The following NDUFAF2 variants were observed in gnomAD, a reference collection of about 807,000 sequenced individuals.
The protein encoded by NDUFAF2 is NADH dehydrogenase [ubiquinone] 1 alpha subcomplex assembly factor 2.
In NDUFAF2, 13 loss-of-function variants were observed where a neutral mutation model predicts 22.8. The observed-to-expected ratio is 0.57, with a 90% CI of 0.37 to 0.91. The LOEUF (loss-of-function observed/expected upper bound fraction) is 0.91, where lower values mean the gene tolerates loss of function less well. Among genes scored for constraint, NDUFAF2 ranks in the 40% least tolerant of loss-of-function variants. The pLI is 0.01. For synonymous variants in NDUFAF2, 53 were observed against 64.2 expected, an observed-to-expected ratio of 0.83 and a Z score of 0.84; for missense variants, 162 against 195.2, an observed-to-expected ratio of 0.83 and a Z score of 1.01.
At chr5:61,041,418 A>G (rs1751880986) in intron 1 of NDUFAF2, among the ~76,000 whole-genome samples, 1 of 152,140 alleles carries the variant, frequency 6.6e-6, no homozygotes, top group Non-Finnish European at 1.5e-5. Flanking sequence ...TTTCACCCGT[A>G]CCAGTTTTTT....
chr5:60,972,546 G>A (rs983408034), intron 1 of NDUFAF2, among the ~76,000 whole-genome samples: 1 of 152,054 alleles, frequency 6.6e-6, no homozygotes, highest in African/African-American at 2.4e-5. Flanking sequence ...CCAGGTATGC[G>A]GAACTGTGAG....
intron 1 of NDUFAF2, among the ~76,000 whole-genome samples, chr5:61,056,657 G>A (rs767609356): frequency 6.6e-6 from 1 of 151,782 alleles, no homozygotes; most frequent in African/African-American, 2.4e-5. Flanking sequence ...GGATGCCAAA[G>A]CAAGAGGATC....
intron 3 of NDUFAF2, among the ~76,000 whole-genome samples, chr5:61,140,671 A>G (rs1741039431): frequency 6.6e-6 from 1 of 152,220 alleles, no homozygotes; most frequent in South Asian, 2.1e-4. Context: ...TCAGAGCCCA[A>G]AAATGTTTCA....
intron 3 of NDUFAF2, among the ~76,000 whole-genome samples, chr5:61,139,810 A>G (rs1741023564): frequency 6.6e-6 from 1 of 152,172 alleles, no homozygotes; most frequent in Non-Finnish European, 1.5e-5. Flanking sequence ...TTTTTTTTGA[A>G]TAATGCCTTT....
At chr5:61,100,219 C>T (rs931120434) in intron 3 of NDUFAF2, among the ~76,000 whole-genome samples, 3 of 152,166 alleles carry the variant, frequency 2.0e-5, no homozygotes, top group African/African-American at 4.8e-5. Context: ...GATTCTCCTT[C>T]TCTTGGTCAT....
At chr5:61,044,197 G>T (rs1751918901) in intron 1 of NDUFAF2, among the ~76,000 whole-genome samples, 1 of 151,120 alleles carries the variant, frequency 6.6e-6, no homozygotes, top group Non-Finnish European at 1.5e-5. Context: ...TTTTTAATCA[G>T]GTTATTTTTT....
intron 1 of NDUFAF2, among the ~76,000 whole-genome samples, chr5:60,978,051 TG>T (rs1292640974): frequency 1.3e-5 from 2 of 152,128 alleles, no homozygotes; most frequent in African/African-American, 4.8e-5. Flanking sequence ...GTAGCAGCTG[TG>T]GGCCACTGAG....
At chr5:61,122,395 A>G (rs1393735599) in intron 3 of NDUFAF2, among the ~76,000 whole-genome samples, 2 of 152,216 alleles carry the variant, frequency 1.3e-5, no homozygotes, top group African/African-American at 4.8e-5. Flanking sequence ...ACAAAATATG[A>G]TAGGTGCTGT....
At chr5:60,961,163 T>A (rs1021878404) in intron 1 of NDUFAF2, among the ~76,000 whole-genome samples, 1 of 152,126 alleles carries the variant, frequency 6.6e-6, no homozygotes, top group African/African-American at 2.4e-5. Flanking sequence ...TTCAGCAAAA[T>A]TTACTGTATA....
chr5:61,003,073 A>G (rs557710833), intron 1 of NDUFAF2, among the ~76,000 whole-genome samples: 72 of 152,180 alleles, frequency 4.7e-4, no homozygotes, highest in Non-Finnish European at 7.5e-4. Context: ...TTTTCTGTCC[A>G]TTTGTGACTC....
intron 1 of NDUFAF2, among the ~76,000 whole-genome samples, chr5:61,038,031 A>T (rs1487731272): frequency 9.1e-6 from 1 of 110,390 alleles, no homozygotes; most frequent in Non-Finnish European, 1.8e-5. Context: ...AATATGGGTG[A>T]TGGGAGGGAC....
At chr5:61,042,210 G>T (rs1425869937) in intron 1 of NDUFAF2, among the ~76,000 whole-genome samples, 1 of 151,914 alleles carries the variant, frequency 6.6e-6, no homozygotes, top group African/African-American at 2.4e-5. Flanking sequence ...ATAATTCCAT[G>T]ATTATAATTT....
chr5:61,113,053 T>A (rs1002460618), intron 3 of NDUFAF2, among the ~76,000 whole-genome samples: 1 of 152,144 alleles, frequency 6.6e-6, no homozygotes, highest in Admixed American at 6.5e-5. Context: ...CTTTAACATG[T>A]CCCCTCTGTT....
chr5:61,104,864 G>A (rs1752743454), intron 3 of NDUFAF2, among the ~76,000 whole-genome samples: 1 of 152,046 alleles, frequency 6.6e-6, no homozygotes, highest in Non-Finnish European at 1.5e-5. Context: ...AAAATTTCAT[G>A]TTGCATTCAC....
At chr5:60,977,511 T>C (rs1750917973) in intron 1 of NDUFAF2, among the ~76,000 whole-genome samples, 1 of 152,004 alleles carries the variant, frequency 6.6e-6, no homozygotes, top group Non-Finnish European at 1.5e-5. Context: ...AGTAAAATTA[T>C]GAGCAGAGAG....
At chr5:61,021,613 T>C (rs1317256895) in intron 1 of NDUFAF2, among the ~76,000 whole-genome samples, 1 of 152,230 alleles carries the variant, frequency 6.6e-6, no homozygotes, top group African/African-American at 2.4e-5. Flanking sequence ...ATTTATATCA[T>C]TTTCCTTCCC....
chr5:61,102,181 A>G (rs1446907211), intron 3 of NDUFAF2, among the ~76,000 whole-genome samples: 1 of 152,284 alleles, frequency 6.6e-6, no homozygotes, highest in East Asian at 1.9e-4. Context: ...TGCTGATTTG[A>G]AAATATATTT....
chr5:61,069,088 A>G (rs1051327613), intron 1 of NDUFAF2, among the ~76,000 whole-genome samples: 5 of 151,690 alleles, frequency 3.3e-5, no homozygotes, highest in Non-Finnish European at 7.4e-5. Context: ...ACTTAGTTCA[A>G]TATCTGGCAC....
At chr5:61,131,751 T>C (rs1302103330) in intron 3 of NDUFAF2, among the ~76,000 whole-genome samples, 1 of 152,080 alleles carries the variant, frequency 6.6e-6, no homozygotes, top group Non-Finnish European at 1.5e-5. Context: ...ATATTTTATC[T>C]ATAATTATAA....
Sources: gnomAD v4.1 joint callset for allele counts (sites outside exome capture counted in the v4.1 genomes callset) on GRCh38, gnomAD v4.1.1 for gene constraint, MANE v1.5 for transcripts, NCBI Gene and HGNC (gene_info 2026-07-23, HGNC 2026-07-21) for gene names.